Variants in KIAA1217 observed in about 807,000 individuals in gnomAD.
The protein encoded by KIAA1217 is KIAA1217.
Under a neutral mutation model 163.9 loss-of-function variants are expected in KIAA1217, and 88 were observed. That is an observed-to-expected ratio of 0.54 (90% CI 0.45 to 0.64). The LOEUF is 0.64. Among genes scored for constraint, KIAA1217 ranks in the 30% least tolerant of loss-of-function variants. KIAA1217 has a pLI of 0.00. For missense variants in KIAA1217, 2,372 were observed against 2,475.0 expected (o/e 0.96, Z 0.88); for synonymous variants, 903 against 923.1 (o/e 0.98, Z 0.39).
At chr10:23,803,312 C>T (rs1386558043) in intron 1 of KIAA1217, among the ~76,000 whole-genome samples, 1 of 152,212 alleles carries the variant, frequency 6.6e-6, no homozygotes, top group African/African-American at 2.4e-5. Context: ...GGGAATGCCC[C>T]TTCCTGATGG....
At chr10:23,708,122 A>C (rs546376884) in intron 1 of KIAA1217, among the ~76,000 whole-genome samples, 150 of 152,308 alleles carry the variant, frequency 9.8e-4, no homozygotes, top group Non-Finnish European at 1.6e-3. Flanking sequence ...ACATGGCAGC[A>C]GACAAGAGAG....
intron 2 of KIAA1217, among the ~76,000 whole-genome samples, chr10:24,095,187 C>G (rs568310074): frequency 6.6e-6 from 1 of 152,174 alleles, no homozygotes; most frequent in Non-Finnish European, 1.5e-5. Context: ...TTGCGCTTCC[C>G]GAGTAAGGCA....
intron 6 of KIAA1217, among the ~76,000 whole-genome samples, chr10:24,485,315 C>T (rs768665315): frequency 3.9e-5 from 6 of 152,120 alleles, no homozygotes; most frequent in Admixed American, 6.5e-5. Context: ...GTTCGTTCAG[C>T]CTTTTCCGTG....
intron 2 of KIAA1217, among the ~76,000 whole-genome samples, chr10:24,092,928 T>TGTGTGTTGTGTG (rs548350322): frequency 1.2e-4 from 17 of 140,952 alleles, no homozygotes; most frequent in African/African-American, 3.6e-4. Flanking sequence ...TGTGTGTGTG[T>TGTGTGTTGTGTG]TGTGTGTGTG....
intron 2 of KIAA1217, among the ~76,000 whole-genome samples, chr10:24,058,210 A>G (rs114103995): frequency 2.5e-3 from 383 of 152,262 alleles, no homozygotes; most frequent in Middle Eastern, 0.01. Context: ...TTGTGTATGC[A>G]TGGGTTCATT....
chr10:23,918,728 A>G (rs1015501350), intron 1 of KIAA1217, among the ~76,000 whole-genome samples: 1 of 77,590 alleles, frequency 1.3e-5, no homozygotes, highest in Non-Finnish European at 2.4e-5. Context: ...TAAGAATTAA[A>G]TATATACACA....
At chr10:23,704,168 GTGTGTA>G (rs1255895715) in intron 1 of KIAA1217, among the ~76,000 whole-genome samples, 146 of 63,270 alleles carry the variant, frequency 2.3e-3, no homozygotes, top group South Asian at 6.6e-3. Context: ...GTGTGTGTGT[GTGTGTA>G]TATATATATA....
intron 1 of KIAA1217, among the ~76,000 whole-genome samples, chr10:23,775,466 G>A (rs1834969109): frequency 6.6e-6 from 1 of 152,102 alleles, no homozygotes; most frequent in African/African-American, 2.4e-5. Context: ...AGTTGGAGGT[G>A]TCTCTTAAGA....
chr10:23,859,594 G>A (rs1304058521), intron 1 of KIAA1217, among the ~76,000 whole-genome samples: 2 of 152,084 alleles, frequency 1.3e-5, no homozygotes, highest in Admixed American at 1.3e-4. Context: ...GTGACATATG[G>A]GATTCATCCA....
At chr10:23,809,352 A>C (rs1836882405) in intron 1 of KIAA1217, among the ~76,000 whole-genome samples, 1 of 152,052 alleles carries the variant, frequency 6.6e-6, no homozygotes, top group African/African-American at 2.4e-5. Flanking sequence ...ATATTAATTA[A>C]ATCTAGACTT....
At chr10:24,298,676 T>C (rs1358062275) in intron 2 of KIAA1217, among the ~76,000 whole-genome samples, 2 of 152,130 alleles carry the variant, frequency 1.3e-5, no homozygotes, top group Non-Finnish European at 2.9e-5. Context: ...TACCTGCTTA[T>C]AGTCTCAGCT....
intron 2 of KIAA1217, among the ~76,000 whole-genome samples, chr10:24,319,593 C>T (rs1368377704): frequency 6.6e-6 from 1 of 152,110 alleles, no homozygotes; most frequent in Admixed American, 6.6e-5. Flanking sequence ...GCCAAGGCCA[C>T]GTGCACGTAG....
At chr10:23,844,666 T>C (rs1398806455) in intron 1 of KIAA1217, among the ~76,000 whole-genome samples, 1 of 152,136 alleles carries the variant, frequency 6.6e-6, no homozygotes, top group Non-Finnish European at 1.5e-5. Flanking sequence ...ACATCAATGT[T>C]GGAGTCCCTC....
At chr10:23,842,412 G>T in intron 1 of KIAA1217, among the ~76,000 whole-genome samples, 1 of 151,986 alleles carries the variant, frequency 6.6e-6, no homozygotes, top group East Asian at 1.9e-4. Flanking sequence ...AGATAAGTCG[G>T]AAAAAAAGGC....
chr10:23,928,345 A>C (rs2131305964), intron 1 of KIAA1217, among the ~76,000 whole-genome samples: 1 of 152,352 alleles, frequency 6.6e-6, no homozygotes, highest in Middle Eastern at 3.4e-3. Flanking sequence ...TACCTGAGAA[A>C]GCAGCTTCCC....
At chr10:24,366,978 CT>C (rs2050876032) in intron 2 of KIAA1217, 1 of 162,534 alleles carries the variant, frequency 6.2e-6, no homozygotes, top group Admixed American at 6.5e-5. Context: ...ATTTTTCTTT[CT>C]TTTCGGGGAA....
At chr10:24,224,822 GAC>G (rs1283986215) in intron 2 of KIAA1217, among the ~76,000 whole-genome samples, 1 of 139,216 alleles carries the variant, frequency 7.2e-6, no homozygotes, top group Non-Finnish European at 1.5e-5. Context: ...AAAATCATTT[GAC>G]TTTTTTTTTT....
intron 1 of KIAA1217, among the ~76,000 whole-genome samples, chr10:24,211,465 G>A (rs1473531673): frequency 2.7e-5 from 4 of 149,764 alleles, no homozygotes; most frequent in Non-Finnish European, 4.4e-5. Flanking sequence ...TGAACTCTTG[G>A]GCTCAAGCAA....
At chr10:24,170,232 G>A (rs1201614838) in intron 2 of KIAA1217, among the ~76,000 whole-genome samples, 2 of 152,180 alleles carry the variant, frequency 1.3e-5, no homozygotes, top group Non-Finnish European at 1.5e-5. Context: ...GTTGCTTTTT[G>A]CCGGGTGGTA....
Sources: gnomAD v4.1 joint callset for allele counts (sites outside exome capture counted in the v4.1 genomes callset) on GRCh38, gnomAD v4.1.1 for gene constraint, MANE v1.5 for transcripts, NCBI Gene and HGNC (gene_info 2026-07-23, HGNC 2026-07-21) for gene names.